Variants in KL observed in about 807,000 individuals in gnomAD.
KL encodes klotho, also known as alpha-klotho.
KL carries 62 observed loss-of-function variants against 84.2 expected under a neutral mutation model. The observed-to-expected ratio is 0.74, with a 90% CI of 0.60 to 0.91. The LOEUF (loss-of-function observed/expected upper bound fraction) is 0.91. Ranked by LOEUF, KL falls within the 40% of genes least tolerant of loss-of-function variation. The pLI is 0.00. For synonymous variants in KL, 528 were observed against 528.0 expected (o/e 1.00, Z 0.00); for missense variants, 1,261 against 1,305.7 (o/e 0.97, Z 0.53).
At chr13:33,050,969 T>C (rs1363941694) in intron 1 of KL, among the ~76,000 whole-genome samples, 1 of 152,198 alleles carries the variant, frequency 6.6e-6, no homozygotes, top group Non-Finnish European at 1.5e-5. Flanking sequence ...CCTAAGTCTC[T>C]TCTACTCCAA....
rs1334911423 is a variant in KL at position 33,061,233 on chromosome 13, T to C, written c.2154T>C (p.Phe718=). 1 of 1,614,244 alleles carries C rather than the reference T, an allele frequency of 6.2e-7. No homozygotes were observed. Among genetic ancestry groups the C allele is most frequent in the Admixed American group, 1.7e-5 (1 of 60,034 alleles). Residue 718 remains phenylalanine, a synonymous_variant, in exon 4 of 5, where the codon TTT becomes TTC. Coordinates refer to ENST00000380099, the MANE Select transcript of KL (RefSeq NM_004795.4). ...ALAWHVYNEK[F]RHAQNGKISI... is the part of the protein sequence containing the mutation. ...CTTGGCATGTGTACAATGAAAAGTT[T>C]AGGCATGCTCAGAATGGGAAAATAT...
intron 4 of KL, among the ~76,000 whole-genome samples, chr13:33,062,956 G>A (rs922160965): frequency 6.6e-6 from 1 of 152,034 alleles, no homozygotes; most frequent in Non-Finnish European, 1.5e-5. Context: ...ATTGGCAGGG[G>A]GGGAAAATGA....
chr13:33,021,665 C>T (rs1212499227), intron 1 of KL, among the ~76,000 whole-genome samples: 1 of 152,036 alleles, frequency 6.6e-6, no homozygotes, highest in Non-Finnish European at 1.5e-5. Flanking sequence ...GGTGGATCAC[C>T]TGAGATCAGG....
chr13:33,034,204 C>A (rs1250477643), intron 1 of KL, among the ~76,000 whole-genome samples: 1 of 152,146 alleles, frequency 6.6e-6, no homozygotes, highest in African/African-American at 2.4e-5. Flanking sequence ...GGAGACTGTA[C>A]AGAAAATTTT....
intron 1 of KL, among the ~76,000 whole-genome samples, chr13:33,038,092 C>A (rs1175798425): frequency 6.6e-6 from 1 of 152,200 alleles, no homozygotes; most frequent in Non-Finnish European, 1.5e-5. Flanking sequence ...CTAATGCATT[C>A]TGCAATGGAT....
Position 33,032,570 on chromosome 13 carries a change from G to T in KL, c.819+15311G>T, listed in dbSNP as rs559682726. Among the ~76,000 whole-genome samples, 7 of 152,150 alleles carry T rather than the reference G, an allele frequency of 4.6e-5. No individual in the cohort carries two copies. The South Asian group carries it at 1.5e-3, about 32-fold the overall frequency. On this transcript the variant is annotated intron_variant, in intron 1 of 4. Coordinates refer to ENST00000380099, the MANE Select transcript of KL (RefSeq NM_004795.4). The stretch of plus-strand genomic sequence containing the variant: ...CATCCCAAGAGAACTAGGAGGAAGT[G>T]GTATGGACTTCTTTTCTTCTTCTTC...
At chr13:33,056,152 G>A (rs1325491547) in intron 3 of KL, among the ~76,000 whole-genome samples, 1 of 152,144 alleles carries the variant, frequency 6.6e-6, no homozygotes, top group Non-Finnish European at 1.5e-5. Flanking sequence ...GGAGTGAAGC[G>A]GGCATGGTGG....
At chr13:33,038,582 T>C (rs1871224234) in intron 1 of KL, among the ~76,000 whole-genome samples, 1 of 152,206 alleles carries the variant, frequency 6.6e-6, no homozygotes, top group Non-Finnish European at 1.5e-5. Flanking sequence ...TTTAATCAAC[T>C]AGACCATTTG....
intron 1 of KL, among the ~76,000 whole-genome samples, chr13:33,018,339 G>A (rs1228487425): frequency 6.6e-6 from 1 of 152,180 alleles, no homozygotes; most frequent in East Asian, 1.9e-4. Flanking sequence ...AACAAAGTCA[G>A]TACTAAAACC....
intron 4 of KL, among the ~76,000 whole-genome samples, chr13:33,063,306 G>T (rs1872280964): frequency 1.3e-5 from 2 of 151,406 alleles, no homozygotes; most frequent in African/African-American, 4.9e-5. Context: ...AAGCAAGCAG[G>T]ACAGGCAGAC....
chr13:33,030,803 C>G (rs1414657048), intron 1 of KL, among the ~76,000 whole-genome samples: 1 of 152,042 alleles, frequency 6.6e-6, no homozygotes, highest in Non-Finnish European at 1.5e-5. Context: ...GAAACAGGAA[C>G]CATCAGAACA....
chr13:33,055,948 A>G (rs1043068102), intron 3 of KL, among the ~76,000 whole-genome samples: 1 of 152,312 alleles, frequency 6.6e-6, no homozygotes, highest in East Asian at 1.9e-4. Flanking sequence ...CTTGTTTTCC[A>G]GCATTTGACT....
chr13:33,040,173 T>G (rs1015401326), intron 1 of KL, among the ~76,000 whole-genome samples: 2 of 152,186 alleles, frequency 1.3e-5, no homozygotes, highest in African/African-American at 4.8e-5. Context: ...ATTAGGTGGT[T>G]GTTTTGTGGG....
In KL at chr13:33,060,946, G is replaced by A. The variant is rs1233617694; in HGVS notation, c.1867G>A (p.Ala623Thr). The A allele has an allele frequency of 6.2e-7, 1 of 1,611,630 alleles. No individual in the cohort carries two copies. Residue 623 changes from alanine to threonine, a missense_variant, in exon 4 of 5, where the codon GCC becomes ACC. Physicochemically the swap from Ala to Thr is moderately conservative, Grantham distance 58. Coordinates refer to ENST00000380099, the MANE Select transcript of KL (RefSeq NM_004795.4). Reference protein sequence around the residue: ...HTILQYYRCMASELVRVNITP... With the variant: ...HTILQYYRCMTSELVRVNITP... ...CATCCTGCAGTACTATCGCTGCATG[G>A]CCAGCGAGCTTGTCCGTGTCAACAT...
At chr13:33,025,702 A>G (rs1465008402) in intron 1 of KL, among the ~76,000 whole-genome samples, 1 of 152,102 alleles carries the variant, frequency 6.6e-6, no homozygotes, top group African/African-American at 2.4e-5. Context: ...CAGCGATTAC[A>G]TTTCTTGTTA....
At chr13:33,026,329 G>A (rs1021397996) in intron 1 of KL, among the ~76,000 whole-genome samples, 9 of 151,980 alleles carry the variant, frequency 5.9e-5, no homozygotes, top group African/African-American at 1.9e-4. Flanking sequence ...AATTGGGGGC[G>A]GTCTATTTCA....
chr13:33,044,460 T>C (rs755133741), intron 1 of KL, among the ~76,000 whole-genome samples: 2 of 152,160 alleles, frequency 1.3e-5, no homozygotes, highest in African/African-American at 2.4e-5. Flanking sequence ...TGGTATCTCA[T>C]TCTTTATTTA....
At position 33,060,728 on chromosome 13, in the gene KL, A is replaced by T; in HGVS notation, c.1649A>T (p.Asp550Val). The part of the protein sequence containing the change: ...QFTDLNVYLW[D>V]VHHSKRLIKV... ...ACCGACCTGAATGTTTACCTGTGGG[A>T]TGTCCACCACAGTAAAAGGCTTATT... Residue 550 changes from aspartate (D) to valine (V), a missense_variant, in exon 4 of 5, where the codon GAT becomes GTT. Coordinates refer to ENST00000380099, the MANE Select transcript of KL (RefSeq NM_004795.4). The T allele has an allele frequency of 6.2e-7, 1 of 1,614,002 alleles. No homozygotes were observed. The highest frequency in any genetic ancestry group is 8.5e-7 in the Non-Finnish European group (1 of 1,179,888).
Position 33,061,270 on chromosome 13 carries a change from C to A in KL, c.2191C>A (p.Gln731Lys), listed in dbSNP as rs78469138. Residue 731 changes from glutamine to lysine, a missense_variant, in exon 4 of 5, where the codon CAG (glutamine) becomes AAG (lysine). Coordinates refer to ENST00000380099, the MANE Select transcript of KL (RefSeq NM_004795.4). Reference protein sequence around the residue: ...AQNGKISIALQADWIEPACPF... With the variant: ...AQNGKISIALKADWIEPACPF... ...GAATGGGAAAATATCCATAGCCTTG[C>A]AGGCTGATTGGATAGAACCTGCCTG... 1 of 1,614,218 alleles carries A rather than the reference C, an allele frequency of 6.2e-7. No homozygotes were observed. The highest frequency in any genetic ancestry group is 8.5e-7 in the Non-Finnish European group (1 of 1,180,042).
Sources: gnomAD v4.1 joint callset for allele counts (sites outside exome capture counted in the v4.1 genomes callset) on GRCh38, gnomAD v4.1.1 for gene constraint, MANE v1.5 for transcripts, NCBI Gene and HGNC (gene_info 2026-07-23, HGNC 2026-07-21) for gene names.